Variants in PRKG1 observed in about 807,000 individuals in gnomAD.
The protein encoded by PRKG1 is cGMP-dependent protein kinase 1.
PRKG1 carries 35 observed loss-of-function variants against 88.1 expected under a neutral mutation model. That is an observed-to-expected ratio of 0.40 (90% confidence interval 0.30 to 0.53). PRKG1 has a LOEUF of 0.53. PRKG1 is among the 20% of genes least tolerant of loss of function. The pLI, the probability that PRKG1 is intolerant of heterozygous loss-of-function variation, is 0.59. For synonymous variants in PRKG1, 303 were observed against 292.5 expected, an observed-to-expected ratio of 1.04 and a Z score of -0.37; for missense variants, 540 against 839.8, an observed-to-expected ratio of 0.64 and a Z score of 4.41.
chr10:51,677,555 A>G (rs74132551), intron 3 of PRKG1, among the ~76,000 whole-genome samples: 1,681 of 152,320 alleles, frequency 0.011, 25 homozygotes, highest in African/African-American at 0.039. Flanking sequence ...CAGGTCTGCC[A>G]CAACAGAACA....
At chr10:51,218,967 G>T (rs576495654) in intron 2 of PRKG1, among the ~76,000 whole-genome samples, 71 of 152,268 alleles carry the variant, frequency 4.7e-4, no homozygotes, top group African/African-American at 1.6e-3. Flanking sequence ...CCTTGGGCAA[G>T]TTATTTAACC....
intron 2 of PRKG1, among the ~76,000 whole-genome samples, chr10:51,266,087 C>T (rs910816708): frequency 1.3e-5 from 2 of 152,158 alleles, no homozygotes; most frequent in Non-Finnish European, 2.9e-5. Flanking sequence ...GATGCTGATG[C>T]TGCCAGTATG....
intron 1 of PRKG1, among the ~76,000 whole-genome samples, chr10:51,026,276 C>A (rs1199400982): frequency 1.3e-5 from 2 of 152,072 alleles, no homozygotes; most frequent in Admixed American, 1.3e-4. Flanking sequence ...TTATAACAGC[C>A]CTAGGAAGCT....
chr10:51,683,928 T>A, intron 3 of PRKG1, among the ~76,000 whole-genome samples: 1 of 152,224 alleles, frequency 6.6e-6, no homozygotes. Flanking sequence ...TCATTTGTTT[T>A]TCGGGGGAAT....
rs187908087 is a variant in PRKG1, at chr10:51,351,107, C to A, written c.479-116616C>A. Among the ~76,000 whole-genome samples, 576 of 152,292 alleles carry A rather than the reference C, an allele frequency of 3.8e-3. 3 individuals carry two copies. The highest frequency in any genetic ancestry group is 6.8e-3 in the South Asian group (33 of 4,826). ...CATGAACTCATGCCTTTTATGGCTG[C>A]ATAGTATTCCATGGTATATATGTGC... On this transcript the variant is annotated intron_variant, in intron 2 of 17. Coordinates refer to ENST00000373980, the MANE Select transcript of PRKG1 (RefSeq NM_006258.4).
At chr10:51,392,504 A>T (rs1214842092) in intron 2 of PRKG1, among the ~76,000 whole-genome samples, 1 of 152,200 alleles carries the variant, frequency 6.6e-6, no homozygotes, top group Non-Finnish European at 1.5e-5. Flanking sequence ...AGTACAGAAC[A>T]AAATGAAAAG....
At position 52,062,479 on chromosome 10, in the gene PRKG1, T is replaced by C. The variant is rs111827370; in HGVS notation, c.841-58T>C. On this transcript the variant is annotated intron_variant, in intron 6 of 17. Coordinates refer to ENST00000373980, the MANE Select transcript of PRKG1 (RefSeq NM_006258.4). ...ACGGAATTAACTTCATTAATTAGTG[T>C]TCCTTTGTCCATTGTGGGTAAGCAG... The C allele has an allele frequency of 3.0e-3, 3,173 of 1,059,624 alleles. 53 individuals carry two copies. The African/African-American group carries it at 0.045, about 15-fold the overall frequency. The allele number at this position is 1,059,624 out of a possible 1,614,324, so 65.6% of individuals were successfully genotyped here. A position where few individuals can be genotyped will look rare whatever the true frequency, so the allele number is the denominator to read the frequency against.
chr10:52,125,662 C>G (rs1040103733), intron 7 of PRKG1: 3 of 152,152 alleles, frequency 2.0e-5, no homozygotes, highest in Admixed American at 2.0e-4. Flanking sequence ...GCACTGTGGC[C>G]ATAACTTTTG....
At chr10:51,249,705 A>C (rs1839381515) in intron 2 of PRKG1, among the ~76,000 whole-genome samples, 1 of 151,872 alleles carries the variant, frequency 6.6e-6, no homozygotes, top group Non-Finnish European at 1.5e-5. Context: ...TGTTTAACAA[A>C]GGACACTATA....
At chr10:52,171,314 A>C (rs935900408) in intron 9 of PRKG1, among the ~76,000 whole-genome samples, 1 of 152,176 alleles carries the variant, frequency 6.6e-6, no homozygotes, top group Non-Finnish European at 1.5e-5. Context: ...ATCCTCTTCC[A>C]AAATGGGAAC....
chr10:51,174,337 T>C (rs899094294), intron 2 of PRKG1, among the ~76,000 whole-genome samples: 1 of 151,696 alleles, frequency 6.6e-6, no homozygotes, highest in African/African-American at 2.4e-5. Context: ...TAGAATTCAT[T>C]TGTAACATTG....
intron 2 of PRKG1, among the ~76,000 whole-genome samples, chr10:51,426,788 A>T (rs1165758608): frequency 6.6e-6 from 1 of 152,160 alleles, no homozygotes; most frequent in Non-Finnish European, 1.5e-5. Context: ...GTTTTGTTTC[A>T]TAAATTCTCA....
chr10:51,756,164 T>G (rs1408493068), intron 3 of PRKG1, among the ~76,000 whole-genome samples: 1 of 152,148 alleles, frequency 6.6e-6, no homozygotes, highest in Non-Finnish European at 1.5e-5. Context: ...ACCTTAGAAT[T>G]CAATTAAAGA....
chr10:51,118,994 G>A (rs1213341035), intron 1 of PRKG1, among the ~76,000 whole-genome samples: 1 of 152,068 alleles, frequency 6.6e-6, no homozygotes, highest in East Asian at 1.9e-4. Flanking sequence ...GAAATCCTAA[G>A]CCATATCTTG....
In PRKG1 at chr10:51,823,163, T is replaced by C. The variant is rs182813194; in HGVS notation, c.698+18473T>C. On this transcript the variant is annotated intron_variant, in intron 4 of 17. Coordinates refer to ENST00000373980, the MANE Select transcript of PRKG1 (RefSeq NM_006258.4). ...GATAGATACAACACATATAAACAAC[T>C]GTTAGGAATGTATAAGGGTCCTGGG... Among the ~76,000 whole-genome samples, 559 of 152,208 alleles carry C rather than the reference T, an allele frequency of 3.7e-3. 4 individuals carry two copies. Among genetic ancestry groups the C allele is most frequent in the Non-Finnish European group, 6.5e-3 (444 of 68,014 alleles).
intron 5 of PRKG1, among the ~76,000 whole-genome samples, chr10:52,007,200 A>G (rs1324968682): frequency 6.6e-6 from 1 of 152,224 alleles, no homozygotes; most frequent in Non-Finnish European, 1.5e-5. Flanking sequence ...TAAACTATAA[A>G]GCAACCACAA....
At chr10:51,052,844 T>C (rs1843580551) in intron 1 of PRKG1, among the ~76,000 whole-genome samples, 1 of 152,218 alleles carries the variant, frequency 6.6e-6, no homozygotes. Context: ...CGTTTTTCTA[T>C]ATAAAGGGTC....
chr10:51,301,976 C>T (rs574750582), intron 2 of PRKG1, among the ~76,000 whole-genome samples: 4 of 152,210 alleles, frequency 2.6e-5, no homozygotes, highest in Non-Finnish European at 5.9e-5. Context: ...TCTTCTAAGA[C>T]GTGACCTTAA....
At chr10:52,190,641 A>AT (rs1393054072) in intron 9 of PRKG1, among the ~76,000 whole-genome samples, 2 of 152,144 alleles carry the variant, frequency 1.3e-5, no homozygotes, top group African/African-American at 4.8e-5. Context: ...TACAGTGGAG[A>AT]TTAACTCTGA....
Sources: allele counts gnomAD v4.1 joint callset (sites outside exome capture counted in the v4.1 genomes callset), GRCh38; gene constraint gnomAD v4.1.1; transcripts MANE v1.5; gene names NCBI Gene and HGNC (gene_info 2026-07-23, HGNC 2026-07-21).